Variants in TMEM233 observed in about 807,000 individuals in gnomAD.
The protein encoded by TMEM233 is transmembrane protein 233.
Under a neutral mutation model 11.2 loss-of-function variants are expected in TMEM233, and 6 were observed. The ratio of observed to expected loss-of-function variants is 0.54; its 90% CI spans 0.29 to 1.06. The LOEUF (loss-of-function observed/expected upper bound fraction) is 1.06, where lower values mean the gene tolerates loss of function less well. Ranked by LOEUF, TMEM233 falls within the 50% of genes least tolerant of loss-of-function variation. TMEM233 has a pLI of 0.08. For synonymous variants in TMEM233, 59 were observed against 55.8 expected, an observed-to-expected ratio of 1.06 and a Z score of -0.26; for missense variants, 127 against 144.7, an observed-to-expected ratio of 0.88 and a Z score of 0.63.
intron 1 of TMEM233, among the ~76,000 whole-genome samples, chr12:119,610,035 G>A (rs576730852): frequency 5.9e-5 from 9 of 152,326 alleles, no homozygotes; most frequent in Admixed American, 2.6e-4. Context: ...CAACCAGGGT[G>A]GGGACTATAC....
At chr12:119,610,873 T>C (rs182662271) in intron 1 of TMEM233, among the ~76,000 whole-genome samples, 1 of 152,276 alleles carries the variant, frequency 6.6e-6, no homozygotes, top group African/African-American at 2.4e-5. Context: ...TCTATTCTAC[T>C]GTCTATCTCT....
chr12:119,612,784 G>T (rs1229656540), intron 1 of TMEM233, among the ~76,000 whole-genome samples: 1 of 151,594 alleles, frequency 6.6e-6, no homozygotes, highest in Non-Finnish European at 1.5e-5. Context: ...GCCAGGCGTG[G>T]TGGTGTGCGC....
At chr12:119,612,687 G>T (rs2136709211) in intron 1 of TMEM233, among the ~76,000 whole-genome samples, 1 of 150,356 alleles carries the variant, frequency 6.7e-6, no homozygotes, top group South Asian at 2.1e-4. Context: ...GGAGGCGGAG[G>T]TTGCAGTGAG....
At chr12:119,640,457 GT>G (rs982399609) in intron 2 of TMEM233, among the ~76,000 whole-genome samples, 1 of 152,080 alleles carries the variant, frequency 6.6e-6, no homozygotes, top group African/African-American at 2.4e-5. Flanking sequence ...TGCCTGGCCT[GT>G]TTTTGCTTTT....
At chr12:119,624,829 A>G (rs1281936179) in intron 1 of TMEM233, among the ~76,000 whole-genome samples, 2 of 152,196 alleles carry the variant, frequency 1.3e-5, no homozygotes, top group East Asian at 1.9e-4. Flanking sequence ...TGATTAAAAG[A>G]TTAAATTGTA....
Position 119,594,094 on chromosome 12 carries a change from T to C in TMEM233, c.186+60T>C. 6.6e-7 allele frequency: 1 copy of C among 1,509,202 alleles called. No individual in the cohort carries two copies. Among genetic ancestry groups the C allele is most frequent in the Non-Finnish European group, 8.9e-7 (1 of 1,117,720 alleles). 93.5% of individuals were successfully genotyped at this position (1,509,202 alleles called of 1,614,324 possible). ...AGAGACCCGGGCGGCTTTGAGCCCCTGCAGGGGAGTCCGCGCGCTCTCTGC... is the reference window on the plus strand; with the variant it reads ...AGAGACCCGGGCGGCTTTGAGCCCCCGCAGGGGAGTCCGCGCGCTCTCTGC... On this transcript the variant is annotated intron_variant, in intron 1 of 2. Coordinates refer to ENST00000426426, the MANE Select transcript of TMEM233 (RefSeq NM_001136534.3). The surrounding 1 kb of genome is among the most constrained non-coding windows in gnomAD (Gnocchi z 5.6).
chr12:119,641,282 T>A lies in TMEM233; in HGVS notation c.*577T>A, dbSNP rs1407904268. 6.6e-6 allele frequency: 1 copy of A among 152,284 alleles called. No individual in the cohort carries two copies. The highest frequency in any genetic ancestry group is 2.4e-5 in the African/African-American group (1 of 41,432). The allele number at this position is 152,284 out of a possible 1,614,324, so 9.4% of individuals were successfully genotyped here. A position where few individuals can be genotyped will look rare whatever the true frequency, so the allele number is the denominator to read the frequency against. ...GTTCACCCATCTGGTCATCAAACACTCAAAGAAGGGGCTTTTCTGGCCTTT... is the reference window on the plus strand; with the variant it reads ...GTTCACCCATCTGGTCATCAAACACACAAAGAAGGGGCTTTTCTGGCCTTT... On this transcript the variant is annotated 3_prime_UTR_variant, in exon 3 of 3. Transcript: ENST00000426426.
chr12:119,614,838 C>G (rs1954488470), intron 1 of TMEM233, among the ~76,000 whole-genome samples: 1 of 152,022 alleles, frequency 6.6e-6, no homozygotes, highest in Admixed American at 6.6e-5. Context: ...GTGGTTAGTC[C>G]AGGGCCTGGC....
At chr12:119,637,307 C>T (rs1270355375) in intron 2 of TMEM233, among the ~76,000 whole-genome samples, 1 of 152,202 alleles carries the variant, frequency 6.6e-6, no homozygotes, top group African/African-American at 2.4e-5. Context: ...TTAACAACAA[C>T]AGCCTTTGTG....
At chr12:119,605,203 A>G (rs1176628459) in intron 1 of TMEM233, among the ~76,000 whole-genome samples, 1 of 151,926 alleles carries the variant, frequency 6.6e-6, no homozygotes, top group Non-Finnish European at 1.5e-5. Flanking sequence ...ACATTTATAC[A>G]TTTGTCTTTA....
intron 2 of TMEM233, among the ~76,000 whole-genome samples, chr12:119,639,126 G>A (rs981009612): frequency 1.3e-5 from 2 of 152,118 alleles, no homozygotes; most frequent in Admixed American, 6.6e-5. Flanking sequence ...CAAACAGCTG[G>A]TTCCCATTTC....
chr12:119,607,861 C>A (rs1359111029), intron 1 of TMEM233, among the ~76,000 whole-genome samples: 1 of 152,170 alleles, frequency 6.6e-6, no homozygotes, highest in African/African-American at 2.4e-5. Context: ...GCAGGGATTA[C>A]AGGCGTGAGC....
Position 119,640,820 on chromosome 12 carries a change from G to GGAAAA in TMEM233, c.*117_*118insAAAGA. 1 of 1,200,168 alleles carries GGAAAA rather than the reference G, an allele frequency of 8.3e-7. No individual in the cohort carries two copies. Among genetic ancestry groups the GGAAAA allele is most frequent in the Non-Finnish European group, 1.2e-6 (1 of 855,016 alleles). 74.3% of individuals were successfully genotyped at this position (1,200,168 alleles called of 1,614,324 possible). A position where few individuals can be genotyped will look rare whatever the true frequency, so the allele number is the denominator to read the frequency against. On this transcript the variant is annotated 3_prime_UTR_variant, in exon 3 of 3. Transcript: ENST00000426426. The stretch of plus-strand genomic sequence containing the variant: ...TCAGACTGTGAGATCTTTTCCTCCA[G>GGAAAA]GACTCTCCAGAGGCAGGTCCCTGGC...
rs537697989 is a variant in TMEM233 at position 119,641,910 on chromosome 12, C to T, written c.*1205C>T. On this transcript the variant is annotated 3_prime_UTR_variant, in exon 3 of 3. Coordinates refer to ENST00000426426, the MANE Select transcript of TMEM233 (RefSeq NM_001136534.3). ...CCCTTTTTAGCAAAGAAAGAGCAGG[C>T]CTCAGAGTCTTCTGTCTAGATAGAA... is the stretch of plus-strand genomic sequence containing the variant. 1.3e-5 allele frequency: 2 copies of T among 152,242 alleles called. No homozygotes were observed. The highest frequency in any genetic ancestry group is 3.9e-4 in the East Asian group (2 of 5,188). 9.4% of individuals were successfully genotyped at this position (152,242 alleles called of 1,614,324 possible). A position where few individuals can be genotyped will look rare whatever the true frequency, so the allele number is the denominator to read the frequency against.
chr12:119,598,173 A>G (rs1241113288), intron 1 of TMEM233, among the ~76,000 whole-genome samples: 6 of 152,156 alleles, frequency 3.9e-5, no homozygotes, highest in Non-Finnish European at 8.8e-5. Flanking sequence ...CTTTATCTCT[A>G]TCAAGTGGCA....
intron 1 of TMEM233, among the ~76,000 whole-genome samples, chr12:119,607,712 G>A (rs1214448644): frequency 2.0e-5 from 3 of 151,392 alleles, no homozygotes; most frequent in Admixed American, 6.6e-5. Flanking sequence ...GGGCCCAAGC[G>A]ACCCTCCTGC....
intron 1 of TMEM233, among the ~76,000 whole-genome samples, chr12:119,601,901 A>G (rs1954176398): frequency 6.6e-6 from 1 of 152,182 alleles, no homozygotes; most frequent in Non-Finnish European, 1.5e-5. Context: ...GGATCCGGAA[A>G]AGGGATTCAA....
chr12:119,642,564 G>A lies in TMEM233; in HGVS notation c.*1859G>A, dbSNP rs925049918. 1.3e-5 allele frequency: 2 copies of A among 152,120 alleles called. No homozygotes were observed. The highest frequency in any genetic ancestry group is 6.5e-5 in the Admixed American group (1 of 15,268). The allele number at this position is 152,120 out of a possible 1,614,324, so 9.4% of individuals were successfully genotyped here. On this transcript the variant is annotated 3_prime_UTR_variant, in exon 3 of 3. Coordinates refer to ENST00000426426, the MANE Select transcript of TMEM233 (RefSeq NM_001136534.3). ...TTCCAACGCCCTTTTGTTTTTGCAG[G>A]GTTTTTATTGGCCACTAACTAGCTA...
chr12:119,605,462 CTG>C (rs1954259671), intron 1 of TMEM233, among the ~76,000 whole-genome samples: 1 of 126,572 alleles, frequency 7.9e-6, no homozygotes, highest in Non-Finnish European at 1.6e-5. Flanking sequence ...GGGCCTCACT[CTG>C]TTGCACAGGC....
Sources: allele counts gnomAD v4.1 joint callset (sites outside exome capture counted in the v4.1 genomes callset), GRCh38; gene constraint gnomAD v4.1.1; non-coding constraint Gnocchi (gnomAD v3.1); transcripts MANE v1.5; gene names NCBI Gene and HGNC (gene_info 2026-07-23, HGNC 2026-07-21).